The following EHBP1 variants were observed in gnomAD, a reference collection of about 807,000 sequenced individuals.
EHBP1 encodes the protein EH domain binding protein 1.
EHBP1 carries 55 observed loss-of-function variants against 144.0 expected under a neutral mutation model. The observed-to-expected ratio is 0.38, with a 90% CI of 0.31 to 0.48. The LOEUF (loss-of-function observed/expected upper bound fraction) is 0.48, where lower values mean the gene tolerates loss of function less well. Among genes scored for constraint, EHBP1 ranks in the 20% least tolerant of loss-of-function variants. EHBP1 has a pLI of 0.98. For synonymous variants in EHBP1, 469 were observed against 472.7 expected (o/e 0.99, Z 0.10); for missense variants, 1,200 against 1,364.2 (o/e 0.88, Z 1.90).
intron 5 of EHBP1, among the ~76,000 whole-genome samples, chr2:62,823,283 C>T (rs1456938482): frequency 6.6e-6 from 1 of 152,062 alleles, no homozygotes; most frequent in African/African-American, 2.4e-5. Flanking sequence ...TAAACATAGG[C>T]CCAGAGACAG....
intron 9 of EHBP1, among the ~76,000 whole-genome samples, chr2:62,866,656 T>C (rs1254349364): frequency 6.6e-6 from 1 of 152,036 alleles, no homozygotes; most frequent in East Asian, 1.9e-4. Context: ...GAAATACTAG[T>C]TAACCTAAAG....
chr2:62,861,524 G>A (rs1037040563), intron 8 of EHBP1, among the ~76,000 whole-genome samples: 3 of 151,446 alleles, frequency 2.0e-5, no homozygotes, highest in South Asian at 2.1e-4. Context: ...CAGGTGGATC[G>A]CTTGAGACCA....
chr2:62,752,197 G>C (rs1573129894), intron 3 of EHBP1, among the ~76,000 whole-genome samples: 3 of 152,100 alleles, frequency 2.0e-5, no homozygotes, highest in South Asian at 4.1e-4. Context: ...TGTTCTCATT[G>C]GTTTCAAAGA....
chr2:62,962,097 A>T (rs1277211091), intron 14 of EHBP1, among the ~76,000 whole-genome samples: 3 of 152,112 alleles, frequency 2.0e-5, no homozygotes, highest in Non-Finnish European at 2.9e-5. Context: ...GGCCAAGGTG[A>T]GCAGATAACT....
intron 5 of EHBP1, among the ~76,000 whole-genome samples, chr2:62,818,382 T>G (rs963805207): frequency 3.0e-4 from 46 of 152,022 alleles, no homozygotes; most frequent in African/African-American, 1.1e-3. Context: ...GCACAAAACC[T>G]ACCATTGTGT....
chr2:62,766,315 A>C (rs1164206937), intron 4 of EHBP1, among the ~76,000 whole-genome samples: 2 of 152,176 alleles, frequency 1.3e-5, no homozygotes, highest in African/African-American at 4.8e-5. Context: ...TGCTGCAGTC[A>C]CGTTCATCTT....
At chr2:62,985,750 A>G (rs1463663665) in intron 15 of EHBP1, among the ~76,000 whole-genome samples, 1 of 152,202 alleles carries the variant, frequency 6.6e-6, no homozygotes, top group African/African-American at 2.4e-5. Flanking sequence ...TACATTTCTC[A>G]AGACCTAATT....
intron 19 of EHBP1, among the ~76,000 whole-genome samples, chr2:63,005,323 A>G (rs1403284437): frequency 1.3e-5 from 2 of 152,094 alleles, no homozygotes; most frequent in Non-Finnish European, 1.5e-5. Flanking sequence ...CCTGATGGCT[A>G]TATTACCAAG....
intron 3 of EHBP1, among the ~76,000 whole-genome samples, chr2:62,760,815 C>A (rs952079091): frequency 5.9e-5 from 9 of 152,158 alleles, no homozygotes; most frequent in African/African-American, 9.7e-5. Context: ...TCATGCAAAC[C>A]ATTTACTCTT....
chr2:62,825,110 CAAGA>C (rs1427321531), intron 5 of EHBP1, among the ~76,000 whole-genome samples: 2 of 151,970 alleles, frequency 1.3e-5, no homozygotes, highest in African/African-American at 4.8e-5. Context: ...CAGTAAACTA[CAAGA>C]AATAATGGTA....
At chr2:62,689,381 G>A (rs963738603) in intron 1 of EHBP1, among the ~76,000 whole-genome samples, 5 of 152,164 alleles carry the variant, frequency 3.3e-5, no homozygotes, top group Admixed American at 6.5e-5. Context: ...GGTGGCTCAC[G>A]CCTGTAATTC....
At chr2:62,676,709 C>T (rs1360013627) in intron 1 of EHBP1, among the ~76,000 whole-genome samples, 1 of 147,252 alleles carries the variant, frequency 6.8e-6, no homozygotes, top group Non-Finnish European at 1.5e-5. Context: ...AACCATATTC[C>T]TTTTTTTTTT....
intron 19 of EHBP1, among the ~76,000 whole-genome samples, chr2:63,006,733 A>G (rs927399489): frequency 1.3e-5 from 2 of 152,006 alleles, no homozygotes; most frequent in African/African-American, 2.4e-5. Context: ...ATAATAGAAT[A>G]CGTGCCATTT....
intron 7 of EHBP1, among the ~76,000 whole-genome samples, chr2:62,856,841 T>A (rs1445591919): frequency 6.6e-6 from 1 of 152,238 alleles, no homozygotes; most frequent in Non-Finnish European, 1.5e-5. Context: ...GAATTAAGGT[T>A]GTTTATAAGC....
chr2:62,752,530 T>G (rs566501325), intron 3 of EHBP1, among the ~76,000 whole-genome samples: 3 of 152,298 alleles, frequency 2.0e-5, no homozygotes, highest in African/African-American at 7.2e-5. Context: ...TTCCTGGATA[T>G]CCTTGTTAAC....
intron 12 of EHBP1, among the ~76,000 whole-genome samples, chr2:62,947,521 T>C (rs964281566): frequency 1.4e-4 from 21 of 152,188 alleles, no homozygotes; most frequent in African/African-American, 4.3e-4. Flanking sequence ...GCCATACTTT[T>C]AATGCTTCCT....
intron 7 of EHBP1, among the ~76,000 whole-genome samples, chr2:62,847,085 C>T (rs116067836): frequency 1.1e-3 from 162 of 152,224 alleles, no homozygotes; most frequent in African/African-American, 3.8e-3. Context: ...TACTATAAAG[C>T]TGTAGTAATC....
At chr2:62,912,570 C>A (rs952115573) in intron 10 of EHBP1, among the ~76,000 whole-genome samples, 2 of 151,752 alleles carry the variant, frequency 1.3e-5, no homozygotes, top group Non-Finnish European at 2.9e-5. Context: ...TTTTTTAATG[C>A]AAAAATAAAA....
chr2:63,011,142 C>CAAAAAA (rs58109395), intron 19 of EHBP1, among the ~76,000 whole-genome samples: 1 of 43,876 alleles, frequency 2.3e-5, no homozygotes, highest in South Asian at 7.9e-4. Context: ...CCTCACTTGT[C>CAAAAAA]AAAAAAAAAA....
Sources: gnomAD v4.1 joint callset for allele counts (sites outside exome capture counted in the v4.1 genomes callset) on GRCh38, gnomAD v4.1.1 for gene constraint, MANE v1.5 for transcripts, NCBI Gene and HGNC (gene_info 2026-07-23, HGNC 2026-07-21) for gene names.